LNX2: variants seen among roughly 807,000 people sequenced by gnomAD.
LNX2 encodes ligand of Numb protein X 2.
Under a neutral mutation model 66.2 loss-of-function variants are expected in LNX2, and 35 were observed. The ratio of observed to expected loss-of-function variants is 0.53; its 90% CI spans 0.40 to 0.70. LNX2 has a LOEUF of 0.70. LNX2 is among the 30% of genes least tolerant of loss of function. The probability of loss-of-function intolerance (pLI) is 0.00; values close to 1 mark genes in which losing one functional copy is unlikely to be tolerated. For missense variants in LNX2, 791 were observed against 850.8 expected, an observed-to-expected ratio of 0.93 and a Z score of 0.87; for synonymous variants, 337 against 315.6, an observed-to-expected ratio of 1.07 and a Z score of -0.72.
chr13:27,617,025 A>C (rs1464431928), intron 1 of LNX2, among the ~76,000 whole-genome samples: 1 of 152,208 alleles, frequency 6.6e-6, no homozygotes, highest in Non-Finnish European at 1.5e-5. Flanking sequence ...TAGAATTATA[A>C]GCGTGAGTCA....
chr13:27,574,771 A>C (rs1011839948), intron 2 of LNX2, among the ~76,000 whole-genome samples: 5 of 152,218 alleles, frequency 3.3e-5, no homozygotes, highest in Non-Finnish European at 5.9e-5. Context: ...CTCATAATAA[A>C]ACTGGTGAAA....
chr13:27,613,309 C>A (rs1001017500), intron 1 of LNX2, among the ~76,000 whole-genome samples: 1 of 152,106 alleles, frequency 6.6e-6, no homozygotes, highest in East Asian at 1.9e-4. Context: ...GAAGGACTGG[C>A]ACACTGTTGC....
chr13:27,582,746 T>TG (rs1481234466), intron 1 of LNX2, among the ~76,000 whole-genome samples: 1 of 151,722 alleles, frequency 6.6e-6, no homozygotes, highest in South Asian at 2.1e-4. Flanking sequence ...TGTCAGGGGA[T>TG]GGGGGGCTAG....
At chr13:27,550,707 A>C (rs1290046430) in intron 8 of LNX2, among the ~76,000 whole-genome samples, 1 of 152,118 alleles carries the variant, frequency 6.6e-6, no homozygotes. Flanking sequence ...TCCCAAGTGA[A>C]GACACACACA....
At chr13:27,582,767 G>A (rs998461031) in intron 1 of LNX2, among the ~76,000 whole-genome samples, 3 of 152,236 alleles carry the variant, frequency 2.0e-5, no homozygotes, top group African/African-American at 7.2e-5. Context: ...GGGAGGGATA[G>A]CATTAGGAGT....
At chr13:27,598,338 A>G (rs930810862) in intron 1 of LNX2, among the ~76,000 whole-genome samples, 1 of 152,204 alleles carries the variant, frequency 6.6e-6, no homozygotes, top group African/African-American at 2.4e-5. Context: ...AGAAGTGAAA[A>G]AACAAGAACA....
chr13:27,570,091 GC>G (rs1321354293), intron 2 of LNX2, among the ~76,000 whole-genome samples: 2 of 152,140 alleles, frequency 1.3e-5, no homozygotes, highest in African/African-American at 2.4e-5. Flanking sequence ...ATGTCAAGGG[GC>G]CAGTGCCTTT....
chr13:27,565,115 C>A (rs533982742), intron 4 of LNX2, among the ~76,000 whole-genome samples: 1 of 152,214 alleles, frequency 6.6e-6, no homozygotes, highest in Non-Finnish European at 1.5e-5. Flanking sequence ...GGAATTTCTA[C>A]AATGTAGACT....
At position 27,546,540 on chromosome 13, in the gene LNX2, T is replaced by A. The variant is rs911054408; in HGVS notation, c.*1795A>T. 1.3e-5 allele frequency: 2 copies of A among 152,222 alleles called. No homozygotes were observed. Among genetic ancestry groups the A allele is most frequent in the African/African-American group, 4.8e-5 (2 of 41,462 alleles). The allele number at this position is 152,222 out of a possible 1,614,324, so 9.4% of individuals were successfully genotyped here. A position where few individuals can be genotyped will look rare whatever the true frequency, so the allele number is the denominator to read the frequency against. On this transcript the variant is annotated 3_prime_UTR_variant, in exon 10 of 10. Coordinates refer to ENST00000316334, the MANE Select transcript of LNX2 (RefSeq NM_153371.4). ...TGAACAAGTCAGTAGCAATGATTGTTGCTGTATCTTATTCCAAATAGATAT... is the reference window on the plus strand; with the variant it reads ...TGAACAAGTCAGTAGCAATGATTGTAGCTGTATCTTATTCCAAATAGATAT...
chr13:27,588,021 C>CAAAAAAAAAAAAAA lies in LNX2; in HGVS notation c.-100-6232_-100-6219dup, dbSNP rs56812051. 1.1e-3 allele frequency among the ~76,000 whole-genome samples: 103 copies of CAAAAAAAAAAAAAA among 93,494 alleles called. 1 individual carries two copies. Among genetic ancestry groups the CAAAAAAAAAAAAAA allele is most frequent in the African/African-American group, 1.6e-3 (42 of 26,296 alleles). The allele number at this position is 93,494 out of a possible 152,430, so 61.3% of individuals were successfully genotyped here. A position where few individuals can be genotyped will look rare whatever the true frequency, so the allele number is the denominator to read the frequency against. The stretch of plus-strand genomic sequence containing the variant: ...GGGCAAGAGTGCGAGACTCTTGTCA[C>CAAAAAAAAAAAAAA]AAAAAAAAAAAAAAAAAAAAAAAAA... On this transcript the variant is annotated intron_variant, in intron 1 of 9. Transcript: ENST00000316334.
intron 5 of LNX2, among the ~76,000 whole-genome samples, chr13:27,562,065 C>G (rs1277407535): frequency 6.6e-6 from 1 of 152,158 alleles, no homozygotes; most frequent in African/African-American, 2.4e-5. Context: ...TTGGTAATCA[C>G]AGCTCTTTTG....
At position 27,548,214 on chromosome 13, in the gene LNX2, T is replaced by C. The variant is rs955626022; in HGVS notation, c.*121A>G. 2.4e-6 allele frequency: 2 copies of C among 831,588 alleles called. No homozygotes were observed. Among genetic ancestry groups the C allele is most frequent in the Non-Finnish European group, 3.8e-6 (2 of 524,346 alleles). The allele number at this position is 831,588 out of a possible 1,614,324, so 51.5% of individuals were successfully genotyped here. A position where few individuals can be genotyped will look rare whatever the true frequency, so the allele number is the denominator to read the frequency against. ...CATAAACGGACAATCTTAGTGGGTT[T>C]TGGCCCTGTGTATACCAGCAGTGTC... On this transcript the variant is annotated 3_prime_UTR_variant, in exon 10 of 10. Coordinates refer to ENST00000316334, the MANE Select transcript of LNX2 (RefSeq NM_153371.4).
In LNX2 at chr13:27,548,439, G is replaced by T. The variant is rs771296868; in HGVS notation, c.1969C>A (p.Leu657Met). The change falls in exon 10 of 10, where the codon CTG (leucine) becomes ATG (methionine). Residue 657 changes from leucine to methionine, a missense_variant. By Grantham distance (15) the Leu-to-Met change is conservative (BLOSUM62 2). Coordinates refer to ENST00000316334, the MANE Select transcript of LNX2 (RefSeq NM_153371.4). ...CGDMIVAVNG[L>M]STVGMSHSAL... ...GAGTGGCTCATGCCCACGGTTGACAGCCCATTTACGGCCACAATCATGTCA... is the reference window on the plus strand; with the variant it reads ...GAGTGGCTCATGCCCACGGTTGACATCCCATTTACGGCCACAATCATGTCA... The T allele has an allele frequency of 6.2e-7, 1 of 1,614,026 alleles. No individual in the cohort carries two copies. The highest frequency in any genetic ancestry group is 1.1e-5 in the South Asian group (1 of 91,044).
intron 6 of LNX2, among the ~76,000 whole-genome samples, chr13:27,558,508 TATA>T (rs1472217347): frequency 6.6e-6 from 1 of 152,120 alleles, no homozygotes; most frequent in Admixed American, 6.6e-5. Flanking sequence ...CTCTTAAAAC[TATA>T]ATGTTGTTAT....
intron 9 of LNX2, 103 bp from the exon 10 acceptor site, chr13:27,548,573 T>A: frequency 8.3e-7 from 1 of 1,209,452 alleles, no homozygotes; most frequent in South Asian, 1.5e-5. Context: ...CACTTACCAC[T>A]GAACTGTCAA....
intron 1 of LNX2, among the ~76,000 whole-genome samples, chr13:27,593,613 G>A (rs1234565634): frequency 1.4e-5 from 2 of 147,136 alleles, no homozygotes; most frequent in Non-Finnish European, 3.0e-5. Flanking sequence ...TGTTGCTCAG[G>A]CTGGAGTGCA....
In LNX2 at chr13:27,546,060, T is replaced by G. The variant is rs1954934094; in HGVS notation, c.*2275A>C. ...ACTAAAAATGAGAAAATCCAAATAG[T>G]TCTATAGTAACAATAAATTATGAAC... On this transcript the variant is annotated 3_prime_UTR_variant, in exon 10 of 10. Transcript: ENST00000316334. 6.6e-6 allele frequency: 1 copy of G among 152,132 alleles called. No homozygotes were observed. The highest frequency in any genetic ancestry group is 1.5e-5 in the Non-Finnish European group (1 of 68,006). The allele number at this position is 152,132 out of a possible 1,614,324, so 9.4% of individuals were successfully genotyped here. A position where few individuals can be genotyped will look rare whatever the true frequency, so the allele number is the denominator to read the frequency against.
chr13:27,607,685 C>G (rs1253597321), intron 1 of LNX2, among the ~76,000 whole-genome samples: 4 of 152,152 alleles, frequency 2.6e-5, no homozygotes, highest in African/African-American at 7.2e-5. Flanking sequence ...TCCAAATTAT[C>G]TGAGAAATAA....
intron 1 of LNX2, among the ~76,000 whole-genome samples, chr13:27,617,369 C>G (rs1755159931): frequency 6.6e-6 from 1 of 152,142 alleles, no homozygotes; most frequent in South Asian, 2.1e-4. Context: ...TTTTTAAAAA[C>G]CTAGATGCAT....
Sources: gnomAD v4.1 joint callset for allele counts (sites outside exome capture counted in the v4.1 genomes callset) on GRCh38, gnomAD v4.1.1 for gene constraint, MANE v1.5 for transcripts, NCBI Gene and HGNC (gene_info 2026-07-23, HGNC 2026-07-21) for gene names.